The following SPECC1 variants were observed in gnomAD, a reference collection of about 807,000 sequenced individuals.
The protein encoded by SPECC1 is cytospin-B.
SPECC1 carries 62 observed loss-of-function variants against 104.1 expected under a neutral mutation model. The observed-to-expected ratio is 0.60, with a 90% CI of 0.49 to 0.74. SPECC1 has a LOEUF of 0.74. SPECC1 is among the 30% of genes least tolerant of loss of function. SPECC1 has a pLI of 0.00. For missense variants in SPECC1, 1,306 were observed against 1,310.5 expected (o/e 1.00, Z 0.05); for synonymous variants, 513 against 501.6 (o/e 1.02, Z -0.30).
At chr17:20,044,264 G>A (rs961106151) in intron 1 of SPECC1, among the ~76,000 whole-genome samples, 1 of 152,186 alleles carries the variant, frequency 6.6e-6, no homozygotes, top group Admixed American at 6.5e-5. Flanking sequence ...CTAAAAAAAA[G>A]GCTATAACAA....
intron 3 of SPECC1, among the ~76,000 whole-genome samples, chr17:20,174,197 C>T (rs2034299832): frequency 6.6e-6 from 1 of 152,080 alleles, no homozygotes; most frequent in African/African-American, 2.4e-5. Flanking sequence ...TCCAAAAGTG[C>T]TGTTTACATG....
chr17:20,036,582 T>C (rs115437759), intron 1 of SPECC1, among the ~76,000 whole-genome samples: 2,057 of 152,324 alleles, frequency 0.014, 36 homozygotes, highest in African/African-American at 0.043. Context: ...ACCCACTCTT[T>C]TAGTATTTTC....
intron 1 of SPECC1, among the ~76,000 whole-genome samples, chr17:20,021,816 G>A (rs1016801174): frequency 8.8e-5 from 13 of 147,862 alleles, no homozygotes; most frequent in African/African-American, 2.0e-4. Context: ...GATTACAGGC[G>A]TGAGCCACTG....
rs2041878535 is a variant in SPECC1, at chr17:20,309,817, T to TTTC, written c.3117+3737_3117+3738insCTT. On this transcript the variant is annotated intron_variant, in intron 14 of 14. Coordinates refer to ENST00000395527, the MANE Select transcript of SPECC1 (RefSeq NM_001243439.2). ...CTACTGGTTTTCTTTCTCCTTTTCTTTTTTTTTTTTTTTTTTTTGAGATGG... is the reference window on the plus strand; with the variant it reads ...CTACTGGTTTTCTTTCTCCTTTTCTTTTCTTTTTTTTTTTTTTTTTTGAGATGG... 1.6e-4 allele frequency among the ~76,000 whole-genome samples: 3 copies of TTTC among 18,580 alleles called. No homozygotes were observed. In the African/African-American group the frequency reaches 1.7e-3, roughly 11 times the overall value. The allele number at this position is 18,580 out of a possible 152,430, so 12.2% of individuals were successfully genotyped here. A position where few individuals can be genotyped will look rare whatever the true frequency, so the allele number is the denominator to read the frequency against.
intron 1 of SPECC1, among the ~76,000 whole-genome samples, chr17:20,019,115 G>C (rs1271320249): frequency 6.6e-6 from 1 of 152,144 alleles, no homozygotes; most frequent in Non-Finnish European, 1.5e-5. Flanking sequence ...AATGGCTCAT[G>C]TCTATAATCC....
chr17:20,272,078 A>G (rs79873844), intron 12 of SPECC1, among the ~76,000 whole-genome samples: 15,317 of 151,992 alleles, frequency 0.1, 1,202 homozygotes, highest in East Asian at 0.37. Flanking sequence ...GCCTTGCTCT[A>G]TAGCTTAAGT....
At chr17:20,085,460 C>T (rs1386151226) in intron 1 of SPECC1, among the ~76,000 whole-genome samples, 3 of 152,200 alleles carry the variant, frequency 2.0e-5, no homozygotes, top group Non-Finnish European at 2.9e-5. Flanking sequence ...TACTCCTGTG[C>T]AAGGAACGTG....
At chr17:20,312,350 A>G (rs1272530010) in intron 14 of SPECC1, among the ~76,000 whole-genome samples, 1 of 74,656 alleles carries the variant, frequency 1.3e-5, no homozygotes, top group Non-Finnish European at 2.2e-5. Context: ...CTTTTCACAA[A>G]TTCTCAAATA....
At chr17:20,257,382 A>C in intron 10 of SPECC1, 69 bp from the exon 11 acceptor site, 1 of 1,486,362 alleles carries the variant, frequency 6.7e-7, no homozygotes, top group Non-Finnish European at 9.0e-7. Flanking sequence ...ATTGTATTTG[A>C]GAATGAAGTA....
chr17:20,096,817 A>T lies in SPECC1; in HGVS notation c.147+19A>T, dbSNP rs761589578. On this transcript the variant is annotated intron_variant, in intron 2 of 14. Transcript: ENST00000395527. ...CAGCAGGGTATGGATCAAAATGCAC[A>T]GGGCCAGGCAGAGCGCCTGGATACC... 2 of 1,600,980 alleles carry T rather than the reference A, an allele frequency of 1.2e-6. No homozygotes were observed. The highest frequency in any genetic ancestry group is 1.7e-6 in the Non-Finnish European group (2 of 1,170,540).
In SPECC1 at chr17:20,204,737, G is replaced by A. The variant is rs762663872; in HGVS notation, c.688G>A (p.Glu230Lys). 1.2e-6 allele frequency: 2 copies of A among 1,604,972 alleles called. No homozygotes were observed. ...GDTEPMIRALEEKNKNFQKEL... is the reference protein window; with the variant it reads ...GDTEPMIRALKEKNKNFQKEL... ...CACGGAACCTATGATAAGAGCTCTTGAGGAGAAGAACAAGAACTTTCAGAA... is the reference window on the plus strand; with the variant it reads ...CACGGAACCTATGATAAGAGCTCTTAAGGAGAAGAACAAGAACTTTCAGAA... Residue 230 changes from glutamate (E) to lysine (K), a missense_variant, in exon 4 of 15, where the codon GAG becomes AAG. Glu to Lys is a moderately conservative substitution (Grantham distance 56, BLOSUM62 1). Transcript: ENST00000395527.
At chr17:20,265,439 A>G (rs1172339902) in intron 12 of SPECC1, among the ~76,000 whole-genome samples, 1 of 151,994 alleles carries the variant, frequency 6.6e-6, no homozygotes, top group Non-Finnish European at 1.5e-5. Flanking sequence ...TCCTTTGCCT[A>G]TTTTTTAATG....
intron 3 of SPECC1, among the ~76,000 whole-genome samples, chr17:20,173,322 C>G (rs1458616264): frequency 6.6e-6 from 1 of 152,196 alleles, no homozygotes; most frequent in Non-Finnish European, 1.5e-5. Context: ...AGAAGTTTCT[C>G]TCCAGACTTT....
intron 1 of SPECC1, among the ~76,000 whole-genome samples, chr17:20,012,054 A>G (rs978290338): frequency 2.6e-5 from 4 of 152,174 alleles, no homozygotes; most frequent in East Asian, 1.9e-4. Context: ...TGGTTTCACC[A>G]TGTGTCTTCT....
intron 1 of SPECC1, among the ~76,000 whole-genome samples, chr17:20,085,374 T>G (rs574027699): frequency 1.5e-4 from 23 of 152,324 alleles, no homozygotes; most frequent in Non-Finnish European, 1.5e-4. Flanking sequence ...GGAAGTGCTG[T>G]TACATAACCG....
chr17:20,293,480 T>G (rs116370609), intron 12 of SPECC1, among the ~76,000 whole-genome samples: 1 of 152,164 alleles, frequency 6.6e-6, no homozygotes, highest in Admixed American at 6.5e-5. Context: ...AGTTAACTTG[T>G]TGTAGGGTTG....
chr17:20,157,316 G>C (rs1278595030), intron 3 of SPECC1, among the ~76,000 whole-genome samples: 5 of 152,004 alleles, frequency 3.3e-5, no homozygotes, highest in Non-Finnish European at 7.4e-5. Context: ...AAACTTGGAC[G>C]GGCTGTCCAA....
intron 1 of SPECC1, among the ~76,000 whole-genome samples, chr17:20,034,031 C>G (rs2044945915): frequency 1.3e-5 from 2 of 152,086 alleles, no homozygotes; most frequent in African/African-American, 2.4e-5. Context: ...AAAAATTGCT[C>G]TAAATACTAA....
intron 7 of SPECC1, chr17:20,238,836 ATATTTT>A: frequency 9.6e-7 from 1 of 1,045,600 alleles, no homozygotes; most frequent in Non-Finnish European, 1.2e-6. Context: ...GTACTGTTGA[ATATTTT>A]TATCTGTAAG....
Sources: allele counts gnomAD v4.1 joint callset (sites outside exome capture counted in the v4.1 genomes callset), GRCh38; gene constraint gnomAD v4.1.1; transcripts MANE v1.5; gene names NCBI Gene and HGNC (gene_info 2026-07-23, HGNC 2026-07-21).